The following SCAI variants were observed in gnomAD, a reference collection of about 807,000 sequenced individuals.
The protein encoded by SCAI is suppressor of cancer cell invasion.
In SCAI, 24 loss-of-function variants were observed where a neutral mutation model predicts 92.2. That is an observed-to-expected ratio of 0.26 (90% CI 0.19 to 0.37). The LOEUF is 0.37. Ranked by LOEUF, SCAI falls within the 10% of genes least tolerant of loss-of-function variation. SCAI has a pLI of 1.00. For synonymous variants in SCAI, 261 were observed against 258.6 expected (o/e 1.01, Z -0.09); for missense variants, 450 against 736.2 (o/e 0.61, Z 4.50).
intron 14 of SCAI, among the ~76,000 whole-genome samples, chr9:124,993,140 G>C (rs1832168184): frequency 6.6e-6 from 1 of 152,208 alleles, no homozygotes; most frequent in Non-Finnish European, 1.5e-5. Flanking sequence ...CATTGACAAA[G>C]ACAGAGTACT....
At chr9:124,970,486 A>AG (rs1831636916) in intron 17 of SCAI, among the ~76,000 whole-genome samples, 1 of 152,042 alleles carries the variant, frequency 6.6e-6, no homozygotes. Flanking sequence ...TGGAAGGCCA[A>AG]GGCGGGTGGA....
chr9:124,977,827 T>C (rs915846485), intron 14 of SCAI, among the ~76,000 whole-genome samples: 1 of 152,166 alleles, frequency 6.6e-6, no homozygotes, highest in Non-Finnish European at 1.5e-5. Context: ...CACATAATAA[T>C]GACACCTCAG....
intron 3 of SCAI, among the ~76,000 whole-genome samples, chr9:125,035,327 C>A (rs1348323582): frequency 6.6e-6 from 1 of 151,852 alleles, no homozygotes; most frequent in East Asian, 1.9e-4. Context: ...TGCGCTCCAG[C>A]CTGGGCAACA....
At chr9:125,140,424 A>G (rs1408842426) in intron 2 of SCAI, among the ~76,000 whole-genome samples, 1 of 152,164 alleles carries the variant, frequency 6.6e-6, no homozygotes, top group Non-Finnish European at 1.5e-5. Context: ...GCTAATCGGG[A>G]GGCTGAGGAA....
intron 2 of SCAI, among the ~76,000 whole-genome samples, chr9:125,111,142 A>T (rs748861544): frequency 6.6e-5 from 10 of 151,814 alleles, no homozygotes; most frequent in Non-Finnish European, 1.5e-4. Context: ...TGAATTCAGC[A>T]ATATGTTAAA....
chr9:124,999,429 T>G (rs774052476), intron 13 of SCAI, among the ~76,000 whole-genome samples: 1 of 151,504 alleles, frequency 6.6e-6, no homozygotes, highest in Admixed American at 6.6e-5. Context: ...GTGGCTCACA[T>G]CTTGTAATCC....
In SCAI at chr9:124,999,994, T is replaced by TA; in HGVS notation, c.1145-5dup. ...ACACCTCCAAAATCATAAGGACCTATAAAAACAAAGGGAAGAATCCTAGAC... is the reference window on the plus strand; with the variant it reads ...ACACCTCCAAAATCATAAGGACCTATAAAAAACAAAGGGAAGAATCCTAGAC... On this transcript the variant is annotated splice_region_variant and splice_polypyrimidine_tract_variant and intron_variant, in intron 12 of 17. Coordinates refer to ENST00000336505, the MANE Select transcript of SCAI (RefSeq NM_001144877.3). 1 of 1,451,814 alleles carries TA rather than the reference T, an allele frequency of 6.9e-7. No individual in the cohort carries two copies. Among genetic ancestry groups the TA allele is most frequent in the Non-Finnish European group, 9.5e-7 (1 of 1,054,390 alleles). The allele number at this position is 1,451,814 out of a possible 1,614,324, so 89.9% of individuals were successfully genotyped here. A position where few individuals can be genotyped will look rare whatever the true frequency, so the allele number is the denominator to read the frequency against.
chr9:125,106,113 A>AAAAAT (rs1834776444), intron 2 of SCAI, among the ~76,000 whole-genome samples: 2 of 64,736 alleles, frequency 3.1e-5, no homozygotes, highest in Non-Finnish European at 6.2e-5. Context: ...AAAAAAAAAA[A>AAAAAT]AAAAAAAAAA....
At chr9:125,029,891 T>C (rs1483699996) in intron 3 of SCAI, 152 bp from the exon 4 acceptor site, 1 of 495,778 alleles carries the variant, frequency 2.0e-6, no homozygotes, top group Non-Finnish European at 3.5e-6. Flanking sequence ...GAAATAATTC[T>C]ATAACTAGGG....
rs146842069 is a variant in SCAI at position 125,076,802 on chromosome 9, C to A, written c.99-20795G>T. 4.8e-3 allele frequency among the ~76,000 whole-genome samples: 733 copies of A among 152,170 alleles called. 7 individuals are homozygous for A. Among genetic ancestry groups the A allele is most frequent in the African/African-American group, 0.016 (680 of 41,508 alleles). ...CAACCCTCTGCCTCCCAGTTTCTAG[C>A]AATTCTCCTGCCTCAGCCTCCCTAG... On this transcript the variant is annotated intron_variant, in intron 2 of 17. Transcript: ENST00000336505.
At chr9:125,069,046 G>A (rs1438650547) in intron 2 of SCAI, among the ~76,000 whole-genome samples, 2 of 151,668 alleles carry the variant, frequency 1.3e-5, no homozygotes, top group African/African-American at 4.8e-5. Context: ...TGAAACTCCT[G>A]TCTCTACTAA....
At chr9:125,004,476 G>A (rs1588145376) in intron 9 of SCAI, among the ~76,000 whole-genome samples, 1 of 151,270 alleles carries the variant, frequency 6.6e-6, no homozygotes. Flanking sequence ...TTACAGGCGT[G>A]TGCCAAAACA....
At chr9:125,037,514 TGCCAGACTGTTTCCTG>T (rs1424447826) in intron 3 of SCAI, among the ~76,000 whole-genome samples, 7 of 152,242 alleles carry the variant, frequency 4.6e-5, no homozygotes, top group Non-Finnish European at 7.3e-5. Context: ...GTGTATTTCT[TGCCAGACTGTTTCCTG>T]GTCATATTTG....
At chr9:125,140,722 G>C (rs1053161355) in intron 2 of SCAI, among the ~76,000 whole-genome samples, 2 of 150,388 alleles carry the variant, frequency 1.3e-5, no homozygotes, top group African/African-American at 4.9e-5. Flanking sequence ...AGCTGGGTGA[G>C]GTGTCAGGCG....
At chr9:125,054,254 C>T (rs1255944581) in intron 3 of SCAI, among the ~76,000 whole-genome samples, 3 of 152,278 alleles carry the variant, frequency 2.0e-5, no homozygotes, top group East Asian at 1.9e-4. Flanking sequence ...GGATTATGGG[C>T]GTGAGCCACT....
At chr9:125,122,173 A>G (rs1043611213) in intron 2 of SCAI, among the ~76,000 whole-genome samples, 1 of 152,260 alleles carries the variant, frequency 6.6e-6, no homozygotes, top group Non-Finnish European at 1.5e-5. Context: ...ATGTGATTAC[A>G]CTAGGATTTC....
At chr9:125,052,332 A>C (rs904678418) in intron 3 of SCAI, among the ~76,000 whole-genome samples, 10 of 152,164 alleles carry the variant, frequency 6.6e-5, no homozygotes, top group African/African-American at 2.4e-4. Context: ...GCACTTTGGG[A>C]GGTCGAGGCG....
intron 17 of SCAI, among the ~76,000 whole-genome samples, chr9:124,964,922 A>G (rs1588120234): frequency 1.3e-5 from 2 of 152,232 alleles, no homozygotes; most frequent in African/African-American, 2.4e-5. Flanking sequence ...TTTGCACAAA[A>G]TAACAGAGTT....
chr9:125,092,626 A>C (rs1195612248), intron 2 of SCAI, among the ~76,000 whole-genome samples: 1 of 152,226 alleles, frequency 6.6e-6, no homozygotes, highest in Non-Finnish European at 1.5e-5. Flanking sequence ...TTCATGCCTT[A>C]ACCTTCACAT....
Sources: allele counts gnomAD v4.1 joint callset (sites outside exome capture counted in the v4.1 genomes callset), GRCh38; gene constraint gnomAD v4.1.1; transcripts MANE v1.5; gene names NCBI Gene and HGNC (gene_info 2026-07-23, HGNC 2026-07-21).